Variants in RPS6KA1 observed in about 807,000 individuals in gnomAD.
RPS6KA1 encodes the protein ribosomal protein S6 kinase alpha-1.
In RPS6KA1, 48 loss-of-function variants were observed where a neutral mutation model predicts 91.3. The observed-to-expected ratio is 0.53, with a 90% CI of 0.42 to 0.67. The LOEUF (loss-of-function observed/expected upper bound fraction) is 0.67, where lower values mean the gene tolerates loss of function less well. Among genes scored for constraint, RPS6KA1 ranks in the 30% least tolerant of loss-of-function variants. The pLI, the probability that RPS6KA1 is intolerant of heterozygous loss-of-function variation, is 0.00. For missense variants in RPS6KA1, 719 were observed against 960.5 expected, an observed-to-expected ratio of 0.75 and a Z score of 3.32; for synonymous variants, 359 against 384.7, an observed-to-expected ratio of 0.93 and a Z score of 0.78.
intron 4 of RPS6KA1, among the ~76,000 whole-genome samples, chr1:26,549,880 A>G (rs988794584): frequency 8.4e-6 from 1 of 118,426 alleles, no homozygotes; most frequent in Non-Finnish European, 1.8e-5. Flanking sequence ...TTTTGTATAT[A>G]TATTTTTTTC....
chr1:26,551,539 T>C lies in RPS6KA1; in HGVS notation c.388+62T>C. 6.2e-7 allele frequency: 1 copy of C among 1,604,108 alleles called. No individual in the cohort carries two copies. The highest frequency in any genetic ancestry group is 8.5e-7 in the Non-Finnish European group (1 of 1,170,968). ...CCATCCTTCGCCCTTGCCTGTGGTC[T>C]GTACACTGTCCCACCGCCTGCCTGG... On this transcript the variant is annotated intron_variant, in intron 5 of 21. Coordinates refer to ENST00000374168, the MANE Select transcript of RPS6KA1 (RefSeq NM_002953.4). The surrounding 1 kb of genome is among the most constrained non-coding windows in gnomAD (Gnocchi z 4.5).
At chr1:26,570,861 G>A (rs1394671940) in intron 17 of RPS6KA1, among the ~76,000 whole-genome samples, 1 of 152,178 alleles carries the variant, frequency 6.6e-6, no homozygotes, top group African/African-American at 2.4e-5. Context: ...GGTGGCTCAC[G>A]CCTGTAATCC....
Position 26,571,603 on chromosome 1 carries a change from C to T in RPS6KA1, c.1745C>T (p.Ala582Val), listed in dbSNP as rs768513793. 3.6e-5 allele frequency: 58 copies of T among 1,613,820 alleles called. No individual in the cohort carries two copies. Among genetic ancestry groups the T allele is most frequent in the Non-Finnish European group, 4.3e-5 (51 of 1,179,946 alleles). Residue 582 changes from alanine to valine, a missense_variant, in exon 18 of 22, where the codon GCG (alanine) becomes GTG (valine). Physicochemically the swap from Ala to Val is moderately conservative, Grantham distance 64 (BLOSUM62 0). Transcript: ENST00000374168. This position sits in a 1 kb window ranked among gnomAD's most constrained non-coding sequence, Gnocchi z 5.1. ...MTPCYTANFV[A>V]PEVLKRQGYD... Reference sequence around the variant, plus strand: ...CCTTGCTACACAGCCAACTTTGTGGCGCCTGAGGTGAGTGGCCCAGCCTCC... The same window carrying T: ...CCTTGCTACACAGCCAACTTTGTGGTGCCTGAGGTGAGTGGCCCAGCCTCC...
At chr1:26,569,011 A>G (rs1355081269) in intron 17 of RPS6KA1, among the ~76,000 whole-genome samples, 6 of 152,234 alleles carry the variant, frequency 3.9e-5, no homozygotes, top group Non-Finnish European at 8.8e-5. Context: ...CCTAGCCAAC[A>G]GGGTGAAACC....
chr1:26,546,063 A>G (rs12723936), intron 2 of RPS6KA1: 490,083 of 1,606,354 alleles, frequency 0.31, 84,393 homozygotes, highest in East Asian at 0.75. Context: ...TCTGGTCCTG[A>G]CCTGGCTGTG....
At chr1:26,548,468 A>G (rs754963167) in intron 4 of RPS6KA1, among the ~76,000 whole-genome samples, 3 of 152,052 alleles carry the variant, frequency 2.0e-5, no homozygotes, top group Non-Finnish European at 2.9e-5. Flanking sequence ...GGAAGGAGAA[A>G]CTGTTTGCCT....
chr1:26,533,335 GC>G (rs1000698353), intron 1 of RPS6KA1, among the ~76,000 whole-genome samples: 1 of 152,124 alleles, frequency 6.6e-6, no homozygotes, highest in African/African-American at 2.4e-5. Flanking sequence ...GATCTGTGAG[GC>G]CTCTTGGCCT....
At chr1:26,556,418 C>A (rs768157581) in intron 11 of RPS6KA1, among the ~76,000 whole-genome samples, 1 of 152,218 alleles carries the variant, frequency 6.6e-6, no homozygotes, top group Admixed American at 6.5e-5. Flanking sequence ...AGTCTCTGGG[C>A]CTTCCTCCTC....
intron 2 of RPS6KA1, among the ~76,000 whole-genome samples, chr1:26,539,172 G>C (rs1012567380): frequency 6.6e-6 from 1 of 152,190 alleles, no homozygotes; most frequent in Non-Finnish European, 1.5e-5. Context: ...CACCTTCCAG[G>C]TGCCCACATT....
chr1:26,571,390 G>T lies in RPS6KA1; in HGVS notation c.1591-59G>T. 6.4e-7 allele frequency: 1 copy of T among 1,558,936 alleles called. No homozygotes were observed. Among genetic ancestry groups the T allele is most frequent in the South Asian group, 1.1e-5 (1 of 88,918 alleles). ...TGTAGCTTTCTAATCTCTGGCCGCT[G>T]ACCTGGGCCACTAGCCACCTCCCCA... On this transcript the variant is annotated intron_variant, in intron 17 of 21. Transcript: ENST00000374168. This position sits in a 1 kb window ranked among gnomAD's most constrained non-coding sequence, Gnocchi z 5.1.
chr1:26,569,434 G>T (rs1239727871), intron 17 of RPS6KA1, among the ~76,000 whole-genome samples: 1 of 152,128 alleles, frequency 6.6e-6, no homozygotes, highest in Admixed American at 6.6e-5. Flanking sequence ...TTTGAAGGAG[G>T]GAGCCCACGG....
At chr1:26,557,246 GGACT>G (rs891163582) in intron 13 of RPS6KA1, 146 bp downstream of exon 13, 1 of 640,258 alleles carries the variant, frequency 1.6e-6, no homozygotes, top group African/African-American at 1.8e-5. Context: ...TGGCTCCGTG[GGACT>G]GACTTTGTCC....
At position 26,555,552 on chromosome 1, in the gene RPS6KA1, G is replaced by A; in HGVS notation, c.843G>A (p.Met281Ile). 1 of 1,596,806 alleles carries A rather than the reference G, an allele frequency of 6.3e-7. No individual in the cohort carries two copies. The highest frequency in any genetic ancestry group is 1.1e-5 in the South Asian group (1 of 88,472). The change falls in exon 11 of 22, where the codon ATG (methionine) becomes ATA (isoleucine). Residue 281 changes from methionine to isoleucine, a missense_variant. Coordinates refer to ENST00000374168, the MANE Select transcript of RPS6KA1 (RefSeq NM_002953.4). This position sits in a 1 kb window ranked among gnomAD's most constrained non-coding sequence, Gnocchi z 4.3. ...MTLILKAKLG[M>I]PQFLSTEAQS... ...GCTGTTTCAGGGCGAAGCTAGGCAT[G>A]CCCCAGTTTCTGAGCACTGAAGCCC... is the stretch of plus-strand genomic sequence containing the variant.
intron 11 of RPS6KA1, among the ~76,000 whole-genome samples, 171 bp from the exon 12 acceptor site, chr1:26,556,483 A>G (rs2076102490): frequency 6.6e-6 from 1 of 152,168 alleles, no homozygotes; most frequent in Admixed American, 6.5e-5. Flanking sequence ...GAAAATGCTG[A>G]GTAGGTGACA....
chr1:26,541,049 C>A (rs1394384325), intron 2 of RPS6KA1, among the ~76,000 whole-genome samples: 1 of 152,000 alleles, frequency 6.6e-6, no homozygotes. Context: ...CTCGGTCTCC[C>A]AAAGTGCTGG....
At position 26,555,609 on chromosome 1, in the gene RPS6KA1, T is replaced by A. The variant is rs1408541142; in HGVS notation, c.900T>A (p.Asn300Lys). ...QSLLRALFKR[N>K]PANRLGSGPD... ...TCTTGCGGGCCCTGTTCAAGCGGAATCCTGCCAACCGGCTCGGTAAGCAGC... is the reference window on the plus strand; with the variant it reads ...TCTTGCGGGCCCTGTTCAAGCGGAAACCTGCCAACCGGCTCGGTAAGCAGC... Residue 300 changes from asparagine (N) to lysine (K), a missense_variant, in exon 11 of 22, where the codon AAT becomes AAA. By Grantham distance (94) the Asn-to-Lys change is moderately conservative (BLOSUM62 0). Around this residue, in one of 5 missense-constraint regions of RPS6KA1, gnomAD observed 228 missense variants for 247.6 expected, o/e 0.92. Transcript: ENST00000374168. This position sits in a 1 kb window ranked among gnomAD's most constrained non-coding sequence, Gnocchi z 4.3. 5 of 1,599,346 alleles carry A rather than the reference T, an allele frequency of 3.1e-6. No individual in the cohort carries two copies. In the South Asian group the frequency reaches 4.5e-5, roughly 14 times the overall value.
chr1:26,557,800 TC>T (rs1277135409), intron 13 of RPS6KA1, among the ~76,000 whole-genome samples: 2 of 16,628 alleles, frequency 1.2e-4, no homozygotes, highest in Non-Finnish European at 2.4e-4. Flanking sequence ...TCCCCTCCCC[TC>T]CCCTCCCCTT....
rs531369054 is a variant in RPS6KA1, at chr1:26,574,965, C to T, written c.*764C>T. On this transcript the variant is annotated 3_prime_UTR_variant, in exon 22 of 22. Coordinates refer to ENST00000374168, the MANE Select transcript of RPS6KA1 (RefSeq NM_002953.4). This position sits in a 1 kb window ranked among gnomAD's most constrained non-coding sequence, Gnocchi z 4.3. ...GGGACAGGGTCTTTTTTCATTTCTT[C>T]CTCAGCTGGTTACTCAGGGTTCATC... 141 of 166,604 alleles carry T rather than the reference C, an allele frequency of 8.5e-4. No individual in the cohort carries two copies. The highest frequency in any genetic ancestry group is 1.5e-3 in the Non-Finnish European group (112 of 76,234). 10.3% of individuals were successfully genotyped at this position (166,604 alleles called of 1,614,324 possible).
chr1:26,536,908 TC>T lies in RPS6KA1; in HGVS notation c.64-15del, dbSNP rs777333523. The T allele has an allele frequency of 6.2e-7, 1 of 1,613,960 alleles. No individual in the cohort carries two copies. The highest frequency in any genetic ancestry group is 8.5e-7 in the Non-Finnish European group (1 of 1,179,852). The stretch of plus-strand genomic sequence containing the variant: ...AAGTTCTGACAGTGCTCCCCCAATC[TC>T]CTTTCTCTTTTCCAGAATGGACAGA... On this transcript the variant is annotated splice_polypyrimidine_tract_variant and intron_variant, in intron 1 of 21. Coordinates refer to ENST00000374168, the MANE Select transcript of RPS6KA1 (RefSeq NM_002953.4).
Sources: gnomAD v4.1 joint callset for allele counts (sites outside exome capture counted in the v4.1 genomes callset) on GRCh38, gnomAD v4.1.1 for gene constraint, gnomAD v4.1.1 regional missense constraint, Gnocchi (gnomAD v3.1) non-coding constraint, MANE v1.5 for transcripts, NCBI Gene and HGNC (gene_info 2026-07-23, HGNC 2026-07-21) for gene names.